The following DDX10 variants were observed in gnomAD, a reference collection of about 807,000 sequenced individuals.
The protein encoded by DDX10 is probable ATP-dependent RNA helicase DDX10.
In DDX10, 74 loss-of-function variants were observed where a neutral mutation model predicts 104.3. That is an observed-to-expected ratio of 0.71 (90% confidence interval 0.59 to 0.86). The LOEUF is 0.86. DDX10 is among the 40% of genes least tolerant of loss of function. The probability of loss-of-function intolerance (pLI) is 0.00; values close to 1 mark genes in which losing one functional copy is unlikely to be tolerated. For missense variants in DDX10, 952 were observed against 1,040.0 expected, an observed-to-expected ratio of 0.92 and a Z score of 1.16; for synonymous variants, 351 against 353.4, an observed-to-expected ratio of 0.99 and a Z score of 0.08.
chr11:108,698,216 A>G (rs558110072), intron 9 of DDX10, among the ~76,000 whole-genome samples: 1 of 152,374 alleles, frequency 6.6e-6, no homozygotes, highest in African/African-American at 2.4e-5. Flanking sequence ...ATAGCTAATG[A>G]GAATTTTTTA....
chr11:108,807,482 G>A (rs1281960420), intron 13 of DDX10, among the ~76,000 whole-genome samples: 1 of 152,130 alleles, frequency 6.6e-6, no homozygotes, highest in Non-Finnish European at 1.5e-5. Context: ...TGATGCTGGG[G>A]GTGGGTTGTG....
intron 16 of DDX10, among the ~76,000 whole-genome samples, chr11:108,870,876 G>A (rs1363638405): frequency 6.6e-6 from 1 of 152,164 alleles, no homozygotes; most frequent in East Asian, 1.9e-4. Flanking sequence ...AGTATTTATC[G>A]AGTGAAAGAA....
intron 9 of DDX10, among the ~76,000 whole-genome samples, chr11:108,702,197 T>G (rs1345623779): frequency 6.6e-6 from 1 of 152,218 alleles, no homozygotes; most frequent in African/African-American, 2.4e-5. Flanking sequence ...TTTAAAAAAC[T>G]TATTTTTAAT....
chr11:108,883,522 T>G (rs969967059), intron 16 of DDX10, among the ~76,000 whole-genome samples: 1 of 152,132 alleles, frequency 6.6e-6, no homozygotes, highest in Non-Finnish European at 1.5e-5. Flanking sequence ...CAGATCTTCT[T>G]ATTAGTATGC....
intron 13 of DDX10, among the ~76,000 whole-genome samples, chr11:108,780,745 A>G (rs1398052930): frequency 6.6e-6 from 1 of 152,210 alleles, no homozygotes; most frequent in Admixed American, 6.5e-5. Flanking sequence ...TCTGTTATTG[A>G]CAACTTGCTC....
rs1230519749 is a variant in DDX10 at position 108,689,056 on chromosome 11, C to G, written c.969C>G (p.Cys323Trp). Residue 323 changes from cysteine to tryptophan, a missense_variant, in exon 7 of 18, where the codon TGC becomes TGG. Physicochemically the swap from Cys to Trp is radical, Grantham distance 215. Coordinates refer to ENST00000322536, the MANE Select transcript of DDX10 (RefSeq NM_004398.4). ...AGAGCATTGTATTTTTTTCCAGTTG[C>G]AAAGAGGTATTGGCTGTTTATTTTG... is the stretch of plus-strand genomic sequence containing the variant. Reference protein sequence around the residue: ...KKKSIVFFSSCKEVQYLYRVF... With the variant: ...KKKSIVFFSSWKEVQYLYRVF... The G allele has an allele frequency of 6.2e-7, 1 of 1,613,712 alleles. No individual in the cohort carries two copies. Among genetic ancestry groups the G allele is most frequent in the Non-Finnish European group, 8.5e-7 (1 of 1,179,920 alleles).
chr11:108,842,951 T>G (rs997818042), intron 15 of DDX10, among the ~76,000 whole-genome samples: 1 of 152,206 alleles, frequency 6.6e-6, no homozygotes, highest in Non-Finnish European at 1.5e-5. Flanking sequence ...TTCTCCCATG[T>G]GGAAGTTGTT....
intron 16 of DDX10, among the ~76,000 whole-genome samples, chr11:108,885,704 T>A (rs1022491084): frequency 1.3e-5 from 2 of 152,084 alleles, no homozygotes; most frequent in Admixed American, 1.3e-4. Context: ...GCTCATTAAA[T>A]TTCCCCTGCC....
chr11:108,754,409 G>C (rs958655398), intron 13 of DDX10, among the ~76,000 whole-genome samples: 2 of 151,990 alleles, frequency 1.3e-5, no homozygotes, highest in South Asian at 4.1e-4. Flanking sequence ...TGCCATAATC[G>C]AGTTTTCAGG....
At chr11:108,814,427 C>A (rs910970870) in intron 13 of DDX10, among the ~76,000 whole-genome samples, 2 of 152,058 alleles carry the variant, frequency 1.3e-5, no homozygotes, top group Non-Finnish European at 2.9e-5. Context: ...AGCTTTACAA[C>A]GTAATAAGCC....
At chr11:108,784,335 C>G (rs1313688144) in intron 13 of DDX10, among the ~76,000 whole-genome samples, 1 of 152,066 alleles carries the variant, frequency 6.6e-6, no homozygotes, top group Non-Finnish European at 1.5e-5. Context: ...TTAGTAACCT[C>G]CATTGTGATT....
chr11:108,866,039 C>T (rs1341778356), intron 16 of DDX10, among the ~76,000 whole-genome samples: 2 of 152,080 alleles, frequency 1.3e-5, no homozygotes, highest in Admixed American at 1.3e-4. Context: ...AACTTCAGCT[C>T]TTGAAGTTGT....
At chr11:108,762,446 G>GT (rs1330040777) in intron 13 of DDX10, among the ~76,000 whole-genome samples, 1 of 152,132 alleles carries the variant, frequency 6.6e-6, no homozygotes, top group East Asian at 1.9e-4. Context: ...TGAAATGATG[G>GT]TAATTGGGCA....
At chr11:108,776,707 G>T (rs940807948) in intron 13 of DDX10, among the ~76,000 whole-genome samples, 1 of 152,172 alleles carries the variant, frequency 6.6e-6, no homozygotes, top group South Asian at 2.1e-4. Flanking sequence ...GTGGCTGGTG[G>T]CAGAAGAGGA....
At chr11:108,859,448 T>TAA (rs11384911) in intron 16 of DDX10, among the ~76,000 whole-genome samples, 46 of 150,542 alleles carry the variant, frequency 3.1e-4, no homozygotes, top group East Asian at 9.7e-4. Flanking sequence ...GAGTAAGGTG[T>TAA]AAAAAAAAAG....
intron 13 of DDX10, among the ~76,000 whole-genome samples, chr11:108,729,321 T>A (rs944642143): frequency 5.3e-5 from 8 of 152,122 alleles, no homozygotes; most frequent in African/African-American, 1.9e-4. Context: ...GATCTGCTCA[T>A]CTCCATCCAG....
chr11:108,694,163 A>T (rs2094256594), intron 9 of DDX10, among the ~76,000 whole-genome samples: 1 of 152,126 alleles, frequency 6.6e-6, no homozygotes, highest in South Asian at 2.1e-4. Flanking sequence ...TTATTTCTGG[A>T]ATTTTCCATT....
intron 13 of DDX10, among the ~76,000 whole-genome samples, chr11:108,737,627 A>G (rs1006157360): frequency 6.6e-6 from 1 of 152,208 alleles, no homozygotes; most frequent in Non-Finnish European, 1.5e-5. Flanking sequence ...ATTAATGTGC[A>G]TGAGATAGAT....
intron 9 of DDX10, among the ~76,000 whole-genome samples, chr11:108,698,503 A>T (rs1355026309): frequency 6.6e-6 from 1 of 152,188 alleles, no homozygotes; most frequent in African/African-American, 2.4e-5. Flanking sequence ...TTTATTTTGC[A>T]TCTTGAAGCA....
Sources: gnomAD v4.1 joint callset for allele counts (sites outside exome capture counted in the v4.1 genomes callset) on GRCh38, gnomAD v4.1.1 for gene constraint, MANE v1.5 for transcripts, NCBI Gene and HGNC (gene_info 2026-07-23, HGNC 2026-07-21) for gene names.